The following SMARCA4 variants were observed in gnomAD, a reference collection of about 807,000 sequenced individuals.
The protein encoded by SMARCA4 is SWI/SNF-related matrix-associated actin-dependent regulator of chromatin subfamily A member 4.
SMARCA4 carries 31 observed loss-of-function variants against 193.9 expected under a neutral mutation model. The ratio of observed to expected loss-of-function variants is 0.16; its 90% confidence interval spans 0.12 to 0.22. The LOEUF (loss-of-function observed/expected upper bound fraction) is 0.22. Ranked by LOEUF, SMARCA4 falls within the 10% of genes least tolerant of loss-of-function variation. The pLI is 1.00. For missense variants in SMARCA4, 1,148 were observed against 2,296.0 expected (o/e 0.50, Z 10.22); for synonymous variants, 942 against 933.1 (o/e 1.01, Z -0.17).
intron 1 of SMARCA4, among the ~76,000 whole-genome samples, chr19:10,970,327 G>A (rs1024847868): frequency 6.6e-6 from 1 of 152,210 alleles, no homozygotes; most frequent in African/African-American, 2.4e-5. Context: ...AATCGAGGAG[G>A]GGGTTGTGGG....
chr19:11,033,988 C>T lies in SMARCA4; in HGVS notation c.3873+123C>T, dbSNP rs970032753. The stretch of plus-strand genomic sequence containing the variant: ...TGTGCGTGTGTGTGCCTTTCGCTGC[C>T]GTGTGGGTCCCCATCCACCGCAGCC... On this transcript the variant is annotated intron_variant, in intron 27 of 34. Transcript: ENST00000344626. This position sits in a 1 kb window ranked among gnomAD's most constrained non-coding sequence, Gnocchi z 9.8. The T allele has an allele frequency of 1.6e-5, 12 of 767,390 alleles. No individual in the cohort carries two copies. Among genetic ancestry groups the T allele is most frequent in the African/African-American group, 3.4e-5 (2 of 58,894 alleles). 47.5% of individuals were successfully genotyped at this position (767,390 alleles called of 1,614,324 possible).
intron 1 of SMARCA4, among the ~76,000 whole-genome samples, chr19:10,981,773 C>T (rs1352736374): frequency 6.6e-6 from 1 of 151,984 alleles, no homozygotes; most frequent in African/African-American, 2.4e-5. Flanking sequence ...CCAGGATCAA[C>T]AAGTGTTTGA....
rs200525458 is a variant in SMARCA4 at position 11,039,546 on chromosome 19, C to G, written c.4171-1761C>G. 2 of 1,593,736 alleles carry G rather than the reference C, an allele frequency of 1.3e-6. No homozygotes were observed. The highest frequency in any genetic ancestry group is 2.3e-5 in the East Asian group (1 of 43,742). On this transcript the variant is annotated intron_variant, in intron 29 of 34. Coordinates refer to ENST00000344626, the MANE Select transcript of SMARCA4 (RefSeq NM_003072.5). ...CGTGGCCTTCAGTTCTGCACACGTGCGTCAAAGGTGGGGAGAGTTCTGGTG... is the reference window on the plus strand; with the variant it reads ...CGTGGCCTTCAGTTCTGCACACGTGGGTCAAAGGTGGGGAGAGTTCTGGTG...
At chr19:10,974,362 C>A (rs2084926266) in intron 1 of SMARCA4, among the ~76,000 whole-genome samples, 1 of 151,332 alleles carries the variant, frequency 6.6e-6, no homozygotes, top group African/African-American at 2.4e-5. Flanking sequence ...CATGGTAGTT[C>A]TCACATCCTT....
Position 11,034,894 on chromosome 19 carries a change from G to A in SMARCA4, c.3952-20G>A, listed in dbSNP as rs369464237. The A allele has an allele frequency of 6.3e-5, 96 of 1,533,714 alleles. No individual in the cohort carries two copies. The African/African-American group carries it at 8.5e-4, about 14-fold the overall frequency. ...GTGCCTGCATGCTGATGCCTCTCCCGTTGCCTCCCTGCCCACCAGCGCATG... is the reference window on the plus strand; with the variant it reads ...GTGCCTGCATGCTGATGCCTCTCCCATTGCCTCCCTGCCCACCAGCGCATG... On this transcript the variant is annotated intron_variant, in intron 28 of 34. Coordinates refer to ENST00000344626, the MANE Select transcript of SMARCA4 (RefSeq NM_003072.5). The surrounding 1 kb of genome is among the most constrained non-coding windows in gnomAD (Gnocchi z 7.0).
In SMARCA4 at chr19:11,010,539, A is replaced by T. The variant is rs773310711; in HGVS notation, c.2274+8A>T. On this transcript the variant is annotated splice_region_variant and intron_variant, in intron 15 of 34. Transcript: ENST00000344626. Reference sequence around the variant, plus strand: ...GTCCTCAAACAGTACCAGGTGAGGTAGGGGGTGGGGAGGCCACCGCCACGT... The same window carrying T: ...GTCCTCAAACAGTACCAGGTGAGGTTGGGGGTGGGGAGGCCACCGCCACGT... 60 of 1,612,928 alleles carry T rather than the reference A, an allele frequency of 3.7e-5. No homozygotes were observed. The highest frequency in any genetic ancestry group is 5.1e-5 in the Non-Finnish European group (60 of 1,179,838).
Position 10,986,306 on chromosome 19 carries a change from A to G in SMARCA4, c.473A>G (p.Asp158Gly). ...GGAGGTGCCCCGCTGGATGGTGCTGACCCCCAGGCCTTGGGGCAGCAGAAC... is the reference window on the plus strand; with the variant it reads ...GGAGGTGCCCCGCTGGATGGTGCTGGCCCCCAGGCCTTGGGGCAGCAGAAC... ...GPGGAPLDGA[D>G]PQALGQQNRG... is the part of the protein sequence containing the mutation. Residue 158 changes from aspartate to glycine, a missense_variant, in exon 4 of 35, where the codon GAC becomes GGC. Transcript: ENST00000344626. This position sits in a 1 kb window ranked among gnomAD's most constrained non-coding sequence, Gnocchi z 6.7. 1 of 1,613,418 alleles carries G rather than the reference A, an allele frequency of 6.2e-7. No homozygotes were observed.
intron 30 of SMARCA4, among the ~76,000 whole-genome samples, chr19:11,046,752 A>G (rs1407292094): frequency 6.6e-6 from 1 of 152,082 alleles, no homozygotes; most frequent in Non-Finnish European, 1.5e-5. Flanking sequence ...GACCAAGAGT[A>G]CGAGACCAAC....
In SMARCA4 at chr19:11,034,859, C is replaced by T. The variant is rs558767544; in HGVS notation, c.3952-55C>T. The T allele has an allele frequency of 6.4e-5, 74 of 1,165,048 alleles. No homozygotes were observed. The African/African-American group carries it at 8.0e-4, about 13-fold the overall frequency. The allele number at this position is 1,165,048 out of a possible 1,614,324, so 72.2% of individuals were successfully genotyped here. ...TGAACTCTCGGTGTTCTGGCTCTAGCGTGCCCCTGGTGCCTGCATGCTGAT... is the reference window on the plus strand; with the variant it reads ...TGAACTCTCGGTGTTCTGGCTCTAGTGTGCCCCTGGTGCCTGCATGCTGAT... On this transcript the variant is annotated intron_variant, in intron 28 of 34. Coordinates refer to ENST00000344626, the MANE Select transcript of SMARCA4 (RefSeq NM_003072.5). This position sits in a 1 kb window ranked among gnomAD's most constrained non-coding sequence, Gnocchi z 7.0.
At position 10,978,779 on chromosome 19, in the gene SMARCA4, A is replaced by AT. The variant is rs1451603628; in HGVS notation, c.-31-5342_-31-5341insT. ...ACCCCGTCTCTACTAAAAATACAAA[A>AT]AATATATATATATATATATTTTAGC... On this transcript the variant is annotated intron_variant, in intron 1 of 34. Transcript: ENST00000344626. 1.7e-3 allele frequency among the ~76,000 whole-genome samples: 262 copies of AT among 150,688 alleles called. 1 individual carries two copies. Among genetic ancestry groups the AT allele is most frequent in the Middle Eastern group, 6.8e-3 (2 of 294 alleles).
At chr19:10,972,485 A>C in intron 1 of SMARCA4, among the ~76,000 whole-genome samples, 1 of 147,132 alleles carries the variant, frequency 6.8e-6, no homozygotes. Flanking sequence ...TCTGCTGTCC[A>C]CTCCTCCAGG....
At chr19:11,002,990 C>T (rs2146092359) in intron 11 of SMARCA4, 39 bp from the exon 12 acceptor site, 1 of 1,613,158 alleles carries the variant, frequency 6.2e-7, no homozygotes, top group Non-Finnish European at 8.5e-7. Context: ...GGTCTGGAGG[C>T]CCTGCAACCT....
chr19:10,989,558 G>A (rs2086369937), intron 7 of SMARCA4, 115 bp downstream of exon 7: 1 of 1,223,488 alleles, frequency 8.2e-7, no homozygotes. Context: ...GCTGTGAAAA[G>A]CAGCCGTGGC....
chr19:10,989,516 C>T (rs2086365771), intron 7 of SMARCA4, 73 bp downstream of exon 7: 27 of 1,568,732 alleles, frequency 1.7e-5, no homozygotes, highest in East Asian at 4.5e-5. Context: ...GCTCCAAATA[C>T]GGCTTGCCTG....
chr19:11,058,209 C>T lies in SMARCA4; in HGVS notation c.4425-46C>T, dbSNP rs760979126. 42 of 1,148,216 alleles carry T rather than the reference C, an allele frequency of 3.7e-5. No homozygotes were observed. The highest frequency in any genetic ancestry group is 1.1e-4 in the Admixed American group (6 of 52,374). 71.1% of individuals were successfully genotyped at this position (1,148,216 alleles called of 1,614,324 possible). On this transcript the variant is annotated intron_variant, in intron 30 of 34. Coordinates refer to ENST00000344626, the MANE Select transcript of SMARCA4 (RefSeq NM_003072.5). This position sits in a 1 kb window ranked among gnomAD's most constrained non-coding sequence, Gnocchi z 5.8. The stretch of plus-strand genomic sequence containing the variant: ...CCTGCTGAGGTGGGGTGGGGGCTCC[C>T]GGGTGGGCGGACTCGGGGGTGATAG...
chr19:10,993,967 G>C (rs2086783647), intron 8 of SMARCA4, among the ~76,000 whole-genome samples: 1 of 152,076 alleles, frequency 6.6e-6, no homozygotes, highest in South Asian at 2.1e-4. Flanking sequence ...TATCATCAGA[G>C]AGAGAAACCC....
intron 34 of SMARCA4, among the ~76,000 whole-genome samples, chr19:11,061,141 TAGC>T (rs2076836828): frequency 7.0e-6 from 1 of 142,148 alleles, no homozygotes. Context: ...TGAGCCGTGA[TAGC>T]ACCACTGCAC....
At chr19:11,047,244 T>TG (rs968518019) in intron 30 of SMARCA4, among the ~76,000 whole-genome samples, 18 of 152,064 alleles carry the variant, frequency 1.2e-4, no homozygotes, top group African/African-American at 4.1e-4. Context: ...AAGAGATGTA[T>TG]GGGGCCTCTT....
rs878854228 is a variant in SMARCA4, at chr19:11,059,743, C to A, written c.4636-10C>A. ...GCCCATCCACTCAAGCCCCTGGTGT[C>A]TCTGCCCAGATCTATGAAGACTCCA... On this transcript the variant is annotated splice_polypyrimidine_tract_variant and intron_variant, in intron 32 of 34. Coordinates refer to ENST00000344626, the MANE Select transcript of SMARCA4 (RefSeq NM_003072.5). 5 of 1,559,430 alleles carry A rather than the reference C, an allele frequency of 3.2e-6. No individual in the cohort carries two copies. The highest frequency in any genetic ancestry group is 1.2e-5 in the South Asian group (1 of 84,652).
Sources: gnomAD v4.1 joint callset for allele counts (sites outside exome capture counted in the v4.1 genomes callset) on GRCh38, gnomAD v4.1.1 for gene constraint, Gnocchi (gnomAD v3.1) non-coding constraint, MANE v1.5 for transcripts, NCBI Gene and HGNC (gene_info 2026-07-23, HGNC 2026-07-21) for gene names.